Variants in SNX7 observed in about 807,000 individuals in gnomAD.
The protein encoded by SNX7 is sorting nexin-7.
A neutral mutation model predicts 48.4 loss-of-function variants in SNX7; 35 were observed. The observed-to-expected ratio is 0.72, with a 90% CI of 0.55 to 0.96. The LOEUF (loss-of-function observed/expected upper bound fraction) is 0.96. Among genes scored for constraint, SNX7 ranks in the 40% least tolerant of loss-of-function variants. The pLI is 0.00. For synonymous variants in SNX7, 190 were observed against 190.2 expected (o/e 1.00, Z 0.01); for missense variants, 553 against 548.9 (o/e 1.01, Z -0.07).
intron 1 of SNX7, among the ~76,000 whole-genome samples, chr1:98,663,272 T>G (rs1570473517): frequency 1.1e-4 from 7 of 62,638 alleles, no homozygotes; most frequent in Admixed American, 3.4e-4. Flanking sequence ...TTTTTTTTTT[T>G]TTTTTTTTTT....
At chr1:98,715,835 T>G (rs2100998010) in intron 7 of SNX7, among the ~76,000 whole-genome samples, 1 of 152,314 alleles carries the variant, frequency 6.6e-6, no homozygotes, top group African/African-American at 2.4e-5. Flanking sequence ...TGGCATTAGA[T>G]GTGTTCATTG....
chr1:98,753,577 T>C (rs991425564), intron 8 of SNX7, among the ~76,000 whole-genome samples: 2 of 152,218 alleles, frequency 1.3e-5, no homozygotes, highest in African/African-American at 4.8e-5. Context: ...TGGAGAATGT[T>C]CAGAAGTTTA....
chr1:98,669,648 T>A (rs974641701), intron 1 of SNX7, among the ~76,000 whole-genome samples: 3 of 152,208 alleles, frequency 2.0e-5, no homozygotes, highest in African/African-American at 7.2e-5. Flanking sequence ...CACCGTACAA[T>A]TTGAGAAGCA....
Position 98,691,574 on chromosome 1 carries a change from C to G in SNX7, c.514C>G (p.Arg172Gly). The change falls in exon 4 of 9, where the codon CGC becomes GGC. Residue 172 changes from arginine (R) to glycine (G), a missense_variant. By Grantham distance (125) the Arg-to-Gly change is moderately radical. Transcript: ENST00000306121. ...GTTTATAGTAAAAGGAATGGTGGAACGCTTTAACGATGACTTCATTGAGAC... is the reference window on the plus strand; with the variant it reads ...GTTTATAGTAAAAGGAATGGTGGAAGGCTTTAACGATGACTTCATTGAGAC... Reference protein sequence around the residue: ...EKFIVKGMVERFNDDFIETRR... With the variant: ...EKFIVKGMVEGFNDDFIETRR... 6.2e-7 allele frequency: 1 copy of G among 1,601,402 alleles called. No homozygotes were observed. The highest frequency in any genetic ancestry group is 8.5e-7 in the Non-Finnish European group (1 of 1,174,824).
intron 1 of SNX7, among the ~76,000 whole-genome samples, chr1:98,683,751 A>G (rs1650630199): frequency 6.6e-6 from 1 of 152,144 alleles, no homozygotes; most frequent in Non-Finnish European, 1.5e-5. Context: ...GCCTGAATGG[A>G]CTATGATGGG....
chr1:98,736,182 T>C (rs1653772174), intron 7 of SNX7, among the ~76,000 whole-genome samples: 2 of 152,202 alleles, frequency 1.3e-5, no homozygotes, highest in Non-Finnish European at 1.5e-5. Flanking sequence ...AAAGCCGATA[T>C]CAGTAGAACC....
At chr1:98,725,300 A>G (rs9729114) in intron 7 of SNX7, among the ~76,000 whole-genome samples, 43,708 of 152,092 alleles carry the variant, frequency 0.29, 6,827 homozygotes, top group Non-Finnish European at 0.34. Flanking sequence ...AGATATAGGA[A>G]TCCCAATTTG....
intron 4 of SNX7, among the ~76,000 whole-genome samples, chr1:98,695,274 T>C (rs1651389373): frequency 6.6e-6 from 1 of 152,132 alleles, no homozygotes; most frequent in African/African-American, 2.4e-5. Context: ...AGATTTACGG[T>C]CTGAGGAAAG....
intron 7 of SNX7, among the ~76,000 whole-genome samples, chr1:98,723,561 G>A (rs1470704374): frequency 6.6e-6 from 1 of 151,900 alleles, no homozygotes; most frequent in Admixed American, 6.6e-5. Flanking sequence ...TTATAGATGG[G>A]TTTTCTACAT....
intron 2 of SNX7, among the ~76,000 whole-genome samples, chr1:98,689,469 A>C (rs1052939175): frequency 6.6e-6 from 1 of 152,186 alleles, no homozygotes; most frequent in Non-Finnish European, 1.5e-5. Flanking sequence ...CAGAGTGATG[A>C]GGATAGACTG....
At chr1:98,748,335 C>G (rs1654409352) in intron 8 of SNX7, among the ~76,000 whole-genome samples, 1 of 151,774 alleles carries the variant, frequency 6.6e-6, no homozygotes, top group South Asian at 2.1e-4. Context: ...CTCATCAGTC[C>G]CCTATATTCT....
At chr1:98,677,868 A>G (rs1650253607) in intron 1 of SNX7, among the ~76,000 whole-genome samples, 1 of 116,158 alleles carries the variant, frequency 8.6e-6, no homozygotes, top group Non-Finnish European at 1.8e-5. Context: ...ACAGAGCGAG[A>G]CGCTGTCTCA....
chr1:98,686,922 CTCTT>C (rs1370806035), intron 2 of SNX7, among the ~76,000 whole-genome samples: 1 of 152,156 alleles, frequency 6.6e-6, no homozygotes, highest in Non-Finnish European at 1.5e-5. Context: ...CAGAAAGACA[CTCTT>C]TCTAAAGCCA....
At chr1:98,736,853 T>A (rs1215448919) in intron 7 of SNX7, among the ~76,000 whole-genome samples, 1 of 152,200 alleles carries the variant, frequency 6.6e-6, no homozygotes, top group Non-Finnish European at 1.5e-5. Context: ...CATCTTGAAA[T>A]GGGAATTCTT....
At chr1:98,669,339 G>C (rs909344449) in intron 1 of SNX7, among the ~76,000 whole-genome samples, 2 of 152,142 alleles carry the variant, frequency 1.3e-5, no homozygotes, top group African/African-American at 4.8e-5. Flanking sequence ...TTACCTCTGA[G>C]AACTATTGAA....
intron 1 of SNX7, among the ~76,000 whole-genome samples, chr1:98,680,078 C>A (rs918849026): frequency 6.6e-6 from 1 of 152,230 alleles, no homozygotes; most frequent in African/African-American, 2.4e-5. Flanking sequence ...ACTGGACATA[C>A]AGGCATTTCC....
chr1:98,737,925 T>C (rs997129161), intron 7 of SNX7, among the ~76,000 whole-genome samples: 5 of 152,182 alleles, frequency 3.3e-5, no homozygotes, highest in East Asian at 1.9e-4. Context: ...CAAAAGACTT[T>C]GGAGTTAATT....
intron 1 of SNX7, chr1:98,662,682 A>G: frequency 7.8e-7 from 1 of 1,289,312 alleles, no homozygotes. Flanking sequence ...GAAAAGAAAA[A>G]TACCTTTCTT....
chr1:98,683,898 G>A (rs1050420129), intron 1 of SNX7, among the ~76,000 whole-genome samples: 2 of 151,972 alleles, frequency 1.3e-5, no homozygotes, highest in African/African-American at 2.4e-5. Context: ...GGATGCCCTC[G>A]AGCTCAGACC....
Sources: allele counts gnomAD v4.1 joint callset (sites outside exome capture counted in the v4.1 genomes callset), GRCh38; gene constraint gnomAD v4.1.1; transcripts MANE v1.5; gene names NCBI Gene and HGNC (gene_info 2026-07-23, HGNC 2026-07-21).